PRRC2C: variants seen among roughly 807,000 people sequenced by gnomAD.
PRRC2C encodes proline rich coiled-coil 2C.
Under a neutral mutation model 317.2 loss-of-function variants are expected in PRRC2C, and 72 were observed. The observed-to-expected ratio is 0.23, with a 90% CI of 0.19 to 0.28. The LOEUF is 0.28. Ranked by LOEUF, PRRC2C falls within the 10% of genes least tolerant of loss-of-function variation. The pLI is 1.00. For synonymous variants in PRRC2C, 1,296 were observed against 1,205.9 expected, an observed-to-expected ratio of 1.07 and a Z score of -1.55; for missense variants, 3,074 against 3,459.7, an observed-to-expected ratio of 0.89 and a Z score of 2.80.
intron 6 of PRRC2C, among the ~76,000 whole-genome samples, chr1:171,519,607 C>T (rs1673161058): frequency 6.6e-6 from 1 of 152,096 alleles, no homozygotes; most frequent in African/African-American, 2.4e-5. Context: ...ATTTGGTGTC[C>T]TCATTCTTTG....
intron 12 of PRRC2C, among the ~76,000 whole-genome samples, chr1:171,535,158 TA>T (rs537396903): frequency 0.01 from 1,499 of 147,840 alleles, 63 homozygotes; most frequent in Admixed American, 0.075. Context: ...TTTCATTATT[TA>T]AAAAAAAAAA....
chr1:171,550,966 C>A (rs189102335), intron 18 of PRRC2C, among the ~76,000 whole-genome samples: 1 of 152,126 alleles, frequency 6.6e-6, no homozygotes, highest in Non-Finnish European at 1.5e-5. Flanking sequence ...GATTTATAAT[C>A]CTTTGGGTAT....
chr1:171,504,313 A>G (rs1239686340), intron 1 of PRRC2C, among the ~76,000 whole-genome samples: 2 of 152,212 alleles, frequency 1.3e-5, no homozygotes, highest in Non-Finnish European at 2.9e-5. Context: ...CATTTTTTAT[A>G]GATTGTGCTT....
At chr1:171,573,738 G>C (rs1296314172) in intron 24 of PRRC2C, among the ~76,000 whole-genome samples, 1 of 135,870 alleles carries the variant, frequency 7.4e-6, no homozygotes, top group Non-Finnish European at 1.5e-5. Context: ...GAGTGCAGTG[G>C]CGCTATCTCG....
intron 18 of PRRC2C, among the ~76,000 whole-genome samples, chr1:171,553,645 C>G (rs1680758277): frequency 6.6e-6 from 1 of 152,192 alleles, no homozygotes; most frequent in Non-Finnish European, 1.5e-5. Context: ...TTAAGTGTGT[C>G]CCAGAGATTC....
intron 1 of PRRC2C, among the ~76,000 whole-genome samples, chr1:171,492,779 G>T (rs536739572): frequency 1.2e-5 from 1 of 86,194 alleles, no homozygotes; most frequent in Non-Finnish European, 2.7e-5. Flanking sequence ...TAGAGACAGA[G>T]TCTCTCTCTG....
At chr1:171,552,287 A>G (rs556733303) in intron 18 of PRRC2C, among the ~76,000 whole-genome samples, 3 of 152,098 alleles carry the variant, frequency 2.0e-5, no homozygotes, top group Non-Finnish European at 4.4e-5. Flanking sequence ...GTATAGGAAT[A>G]CTTGTGATTT....
rs1206678737 is a variant in PRRC2C, at chr1:171,495,909, G to A, written c.-58+10174G>A. Among the ~76,000 whole-genome samples the A allele has an allele frequency of 7.2e-5, 11 of 152,166 alleles. No homozygotes were observed. In the East Asian group the frequency reaches 2.1e-3, roughly 29 times the overall value. ...TGGAGGCTGGAAGTCTGAGATCAGG[G>A]TGCCAGCATAGTAGTTCTGGTGAGG... On this transcript the variant is annotated intron_variant, in intron 1 of 34. Coordinates refer to ENST00000647382, the MANE Select transcript of PRRC2C (RefSeq NM_001387844.1).
At chr1:171,506,687 T>TTGTGTGTGTGTGTGTG (rs34060083) in intron 1 of PRRC2C, among the ~76,000 whole-genome samples, 13 of 136,654 alleles carry the variant, frequency 9.5e-5, no homozygotes, top group African/African-American at 3.1e-4. Context: ...TTTTTTTTCT[T>TTGTGTGTGTGTGTGTG]TGTGTGTGTG....
intron 9 of PRRC2C, 67 bp from the exon 10 acceptor site, chr1:171,524,754 C>CA: frequency 7.0e-7 from 1 of 1,419,414 alleles, no homozygotes; most frequent in Non-Finnish European, 9.3e-7. Flanking sequence ...TTTTTAATTG[C>CA]AAAAATAATG....
chr1:171,507,685 G>A (rs1670522409), intron 1 of PRRC2C, among the ~76,000 whole-genome samples: 1 of 152,168 alleles, frequency 6.6e-6, no homozygotes, highest in Non-Finnish European at 1.5e-5. Flanking sequence ...TGTGAAACAG[G>A]TACTATTCCC....
chr1:171,589,330 T>A, intron 33 of PRRC2C, 39 bp from the exon 34 acceptor site: 1 of 691,958 alleles, frequency 1.4e-6, no homozygotes, highest in Non-Finnish European at 2.0e-6. Context: ...TTTTTTTTTT[T>A]AACAGTTCAA....
At chr1:171,491,098 AAG>A (rs778005408) in intron 1 of PRRC2C, among the ~76,000 whole-genome samples, 13 of 152,340 alleles carry the variant, frequency 8.5e-5, no homozygotes, top group Non-Finnish European at 1.6e-4. Context: ...TAAAGCAGAA[AAG>A]AGAACCACGA....
chr1:171,566,918 T>G, intron 22 of PRRC2C, 75 bp downstream of exon 22: 1 of 1,469,362 alleles, frequency 6.8e-7, no homozygotes, highest in Non-Finnish European at 9.1e-7. Context: ...ACAGCAACAG[T>G]CTGCTTTTTT....
intron 18 of PRRC2C, 100 bp downstream of exon 18, chr1:171,550,340 A>G: frequency 1.8e-6 from 2 of 1,113,922 alleles, no homozygotes; most frequent in South Asian, 2.4e-5. Context: ...GGCTGTTTTC[A>G]TTATTCAAGT....
chr1:171,515,608 G>A, intron 4 of PRRC2C, 126 bp from the exon 5 acceptor site: 2 of 800,234 alleles, frequency 2.5e-6, no homozygotes. Context: ...ATATGGCTAT[G>A]AACAGTCATC....
intron 17 of PRRC2C, among the ~76,000 whole-genome samples, chr1:171,546,789 A>G (rs915975962): frequency 6.6e-6 from 1 of 151,794 alleles, no homozygotes; most frequent in Non-Finnish European, 1.5e-5. Context: ...TATTATTATT[A>G]TTTTTGTTTG....
chr1:171,502,479 C>A (rs1048798462), intron 1 of PRRC2C, among the ~76,000 whole-genome samples: 1 of 152,168 alleles, frequency 6.6e-6, no homozygotes, highest in Non-Finnish European at 1.5e-5. Context: ...CTATCCTATC[C>A]AAAGTCCCCT....
In PRRC2C at chr1:171,517,577, T is replaced by C; in HGVS notation, c.527-14T>C. 1 of 1,590,760 alleles carries C rather than the reference T, an allele frequency of 6.3e-7. No homozygotes were observed. Among genetic ancestry groups the C allele is most frequent in the South Asian group, 1.1e-5 (1 of 89,308 alleles). ...ATTTTTATCTTTTTCCTTTTTTCTC[T>C]GCCTTCATACTAGATGTTGCTTGTT... is the stretch of plus-strand genomic sequence containing the variant. On this transcript the variant is annotated splice_polypyrimidine_tract_variant and intron_variant, in intron 5 of 34. Transcript: ENST00000647382.
Sources: allele counts gnomAD v4.1 joint callset (sites outside exome capture counted in the v4.1 genomes callset), GRCh38; gene constraint gnomAD v4.1.1; transcripts MANE v1.5; gene names NCBI Gene and HGNC (gene_info 2026-07-23, HGNC 2026-07-21).